BCL11B: variants seen among roughly 807,000 people sequenced by gnomAD.
BCL11B encodes the protein B-cell lymphoma/leukemia 11B.
A neutral mutation model predicts 49.9 loss-of-function variants in BCL11B; 8 were observed. The ratio of observed to expected loss-of-function variants is 0.16; its 90% CI spans 0.09 to 0.29. The LOEUF (loss-of-function observed/expected upper bound fraction) is 0.29. Among genes scored for constraint, BCL11B ranks in the 10% least tolerant of loss-of-function variants. BCL11B has a pLI of 1.00. For synonymous variants in BCL11B, 739 were observed against 637.4 expected, an observed-to-expected ratio of 1.16 and a Z score of -2.40; for missense variants, 1,006 against 1,351.0, an observed-to-expected ratio of 0.74 and a Z score of 4.00.
chr14:99,197,672 C>T (rs1389994890), intron 3 of BCL11B, among the ~76,000 whole-genome samples: 1 of 152,054 alleles, frequency 6.6e-6, no homozygotes, highest in African/African-American at 2.4e-5. Flanking sequence ...TTCCTCGCTG[C>T]GTGAATAGAA....
At chr14:99,208,411 A>G (rs747497224) in intron 3 of BCL11B, among the ~76,000 whole-genome samples, 7 of 152,086 alleles carry the variant, frequency 4.6e-5, no homozygotes, top group Non-Finnish European at 8.8e-5. Context: ...GCTAATCACC[A>G]CATTATTTAT....
In BCL11B at chr14:99,271,353, C is replaced by T; in HGVS notation, c.-135G>A. 2.2e-6 allele frequency: 1 copy of T among 464,954 alleles called. No homozygotes were observed. The highest frequency in any genetic ancestry group is 3.3e-6 in the Non-Finnish European group (1 of 305,760). The allele number at this position is 464,954 out of a possible 1,614,324, so 28.8% of individuals were successfully genotyped here. The stretch of plus-strand genomic sequence containing the variant: ...CCGCCGCCGCACCTCCTCCTCTGCC[C>T]GGGTTGGTGTTTTTTTTCCCTTCCT... On this transcript the variant is annotated 5_prime_UTR_variant, in exon 1 of 4. Transcript: ENST00000357195.
intron 3 of BCL11B, among the ~76,000 whole-genome samples, chr14:99,190,222 C>G (rs1252415878): frequency 6.6e-6 from 1 of 151,826 alleles, no homozygotes; most frequent in African/African-American, 2.4e-5. Flanking sequence ...GGCGCGGTGG[C>G]TCACGCCTGT....
intron 3 of BCL11B, among the ~76,000 whole-genome samples, chr14:99,229,863 T>TG (rs1888279277): frequency 6.6e-6 from 1 of 150,854 alleles, no homozygotes; most frequent in South Asian, 2.1e-4. Context: ...AGGCACCCCC[T>TG]GCTCAGCAAG....
At chr14:99,258,272 C>T (rs1379783016) in intron 1 of BCL11B, among the ~76,000 whole-genome samples, 1 of 152,186 alleles carries the variant, frequency 6.6e-6, no homozygotes, top group African/African-American at 2.4e-5. Context: ...GCAGGCAGCA[C>T]CCCTGACCAG....
chr14:99,211,490 C>T (rs991263850), intron 3 of BCL11B, among the ~76,000 whole-genome samples: 5 of 152,260 alleles, frequency 3.3e-5, no homozygotes, highest in African/African-American at 1.2e-4. Context: ...ATTGCCAATG[C>T]CACTCATGCA....
At chr14:99,268,264 T>C (rs1357499436) in intron 1 of BCL11B, among the ~76,000 whole-genome samples, 2 of 151,732 alleles carry the variant, frequency 1.3e-5, no homozygotes, top group East Asian at 3.9e-4. Context: ...TCTCAGACGC[T>C]CCCTCCCCCC....
At position 99,231,064 on chromosome 14, in the gene BCL11B, C is replaced by T. The variant is rs1005897801; in HGVS notation, c.640+281G>A. On this transcript the variant is annotated intron_variant, in intron 3 of 3. Coordinates refer to ENST00000357195, the MANE Select transcript of BCL11B (RefSeq NM_138576.4). The surrounding 1 kb of genome is among the most constrained non-coding windows in gnomAD (Gnocchi z 8.1). ...GTTAAGTGTTATCCAATTAAGCTGT[C>T]GCTAAACAACCCAAAGAAGCGGGAT... Among the ~76,000 whole-genome samples, 3 of 152,178 alleles carry T rather than the reference C, an allele frequency of 2.0e-5. No individual in the cohort carries two copies. Among genetic ancestry groups the T allele is most frequent in the African/African-American group, 7.2e-5 (3 of 41,444 alleles).
intron 3 of BCL11B, among the ~76,000 whole-genome samples, chr14:99,199,280 C>T (rs765121124): frequency 2.6e-5 from 4 of 152,170 alleles, no homozygotes; most frequent in Non-Finnish European, 5.9e-5. Flanking sequence ...CATTTTCTCC[C>T]ATGCTCCTTA....
In BCL11B at chr14:99,205,793, C is replaced by G. The variant is rs991349433; in HGVS notation, c.640+25552G>C. The stretch of plus-strand genomic sequence containing the variant: ...CAGCACACATACCAGTTCCCGGGAG[C>G]AGTATGGTTCTTGACCACGGTGGAC... On this transcript the variant is annotated intron_variant, in intron 3 of 3. Transcript: ENST00000357195. The surrounding 1 kb of genome is among the most constrained non-coding windows in gnomAD (Gnocchi z 5.0). Among the ~76,000 whole-genome samples, 2 of 152,164 alleles carry G rather than the reference C, an allele frequency of 1.3e-5. No homozygotes were observed. Among genetic ancestry groups the G allele is most frequent in the African/African-American group, 2.4e-5 (1 of 41,434 alleles).
intron 3 of BCL11B, among the ~76,000 whole-genome samples, chr14:99,190,465 G>A (rs1001916453): frequency 2.0e-5 from 3 of 152,264 alleles, no homozygotes; most frequent in Admixed American, 6.5e-5. Context: ...TCCAGCCTGG[G>A]CGACAGAGCG....
In BCL11B at chr14:99,242,342, G is replaced by C. The variant is rs1439204633; in HGVS notation, c.428-10785C>G. 6.6e-6 allele frequency among the ~76,000 whole-genome samples: 1 copy of C among 152,170 alleles called. No homozygotes were observed. Among genetic ancestry groups the C allele is most frequent in the Non-Finnish European group, 1.5e-5 (1 of 68,034 alleles). ...ATGTGGGCTGGGTACAGCGACAGGCGGAGAGGCCCGTCAGGTTGGGAGGGT... is the reference window on the plus strand; with the variant it reads ...ATGTGGGCTGGGTACAGCGACAGGCCGAGAGGCCCGTCAGGTTGGGAGGGT... On this transcript the variant is annotated intron_variant, in intron 2 of 3. Coordinates refer to ENST00000357195, the MANE Select transcript of BCL11B (RefSeq NM_138576.4). The surrounding 1 kb of genome is among the most constrained non-coding windows in gnomAD (Gnocchi z 4.4).
chr14:99,234,116 AC>A (rs1170561308), intron 2 of BCL11B, among the ~76,000 whole-genome samples: 1 of 152,128 alleles, frequency 6.6e-6, no homozygotes, highest in Non-Finnish European at 1.5e-5. Flanking sequence ...AGGCAAATCC[AC>A]GGACACAGAA....
chr14:99,206,877 G>A (rs964329886), intron 3 of BCL11B, among the ~76,000 whole-genome samples: 4 of 152,146 alleles, frequency 2.6e-5, no homozygotes, highest in Non-Finnish European at 5.9e-5. Flanking sequence ...ATTAGGAGGA[G>A]ACTACTATAG....
At chr14:99,233,308 G>T (rs747367651) in intron 2 of BCL11B, among the ~76,000 whole-genome samples, 12 of 152,112 alleles carry the variant, frequency 7.9e-5, no homozygotes, top group Non-Finnish European at 8.8e-5. Flanking sequence ...CATTCCACTG[G>T]GGGAAAACTG....
chr14:99,229,001 T>TG lies in BCL11B; in HGVS notation c.640+2343dup, dbSNP rs1289678930. On this transcript the variant is annotated intron_variant, in intron 3 of 3. Coordinates refer to ENST00000357195, the MANE Select transcript of BCL11B (RefSeq NM_138576.4). The stretch of plus-strand genomic sequence containing the variant: ...ATGGATGGATGGATGGCTACATGGA[T>TG]GAATGGATGGATGGATGGATGGATG... Among the ~76,000 whole-genome samples the TG allele has an allele frequency of 1.7e-3, 252 of 146,644 alleles. 2 individuals are homozygous for TG. Among genetic ancestry groups the TG allele is most frequent in the Middle Eastern group, 3.5e-3 (1 of 286 alleles).
chr14:99,208,049 C>T (rs1887584760), intron 3 of BCL11B, among the ~76,000 whole-genome samples: 1 of 152,174 alleles, frequency 6.6e-6, no homozygotes, highest in South Asian at 2.1e-4. Context: ...GAAGTCTACC[C>T]CAGGAGGCCT....
chr14:99,252,930 G>A (rs1474872616), intron 2 of BCL11B, among the ~76,000 whole-genome samples: 1 of 152,258 alleles, frequency 6.6e-6, no homozygotes, highest in Non-Finnish European at 1.5e-5. Context: ...AGAGATCCCA[G>A]GTAAGTGATC....
Position 99,192,863 on chromosome 14 carries a change from A to AAATGAGTGAATGAATGAATGAATGAATG in BCL11B, c.641-16696_641-16669dup, listed in dbSNP as rs1887072454. Among the ~76,000 whole-genome samples, 3 of 122,960 alleles carry AAATGAGTGAATGAATGAATGAATGAATG rather than the reference A, an allele frequency of 2.4e-5. No homozygotes were observed. The highest frequency in any genetic ancestry group is 5.2e-5 in the Non-Finnish European group (3 of 57,156). 80.7% of individuals were successfully genotyped at this position (122,960 alleles called of 152,430 possible). A position where few individuals can be genotyped will look rare whatever the true frequency, so the allele number is the denominator to read the frequency against. ...GAATGCTATTTAATGATCAAAATGT[A>AAATGAGTGAATGAATGAATGAATGAATG]AATGAGTGAATGAATGAATGAATGA... On this transcript the variant is annotated intron_variant, in intron 3 of 3. Transcript: ENST00000357195. The surrounding 1 kb of genome is among the most constrained non-coding windows in gnomAD (Gnocchi z 4.0).
Sources: allele counts gnomAD v4.1 joint callset (sites outside exome capture counted in the v4.1 genomes callset), GRCh38; gene constraint gnomAD v4.1.1; non-coding constraint Gnocchi (gnomAD v3.1); transcripts MANE v1.5; gene names NCBI Gene and HGNC (gene_info 2026-07-23, HGNC 2026-07-21).